PHC2: variants seen among roughly 807,000 people sequenced by gnomAD.
PHC2 encodes polyhomeotic-like protein 2.
In PHC2, 29 loss-of-function variants were observed where a neutral mutation model predicts 87.4. The observed-to-expected ratio is 0.33, with a 90% confidence interval of 0.25 to 0.45. The LOEUF (loss-of-function observed/expected upper bound fraction) is 0.45, where lower values mean the gene tolerates loss of function less well. Among genes scored for constraint, PHC2 ranks in the 20% least tolerant of loss-of-function variants. The pLI is 1.00. For missense variants in PHC2, 857 were observed against 1,136.7 expected (o/e 0.75, Z 3.54); for synonymous variants, 438 against 461.7 (o/e 0.95, Z 0.66).
At chr1:33,410,209 T>C (rs1649926607) in intron 1 of PHC2, among the ~76,000 whole-genome samples, 5 of 152,194 alleles carry the variant, frequency 3.3e-5, no homozygotes, top group South Asian at 4.1e-4. Context: ...TGATGTCATT[T>C]TTAATATGCC....
chr1:33,347,307 G>T, intron 9 of PHC2: 1 of 985,418 alleles, frequency 1.0e-6, no homozygotes, highest in Non-Finnish European at 1.2e-6. Flanking sequence ...AGGAGGCAGA[G>T]AATGCAGAAA....
Position 33,324,924 on chromosome 1 carries a change from T to C in PHC2, c.2521A>G (p.Ile841Val), listed in dbSNP as rs773515590. Residue 841 changes from isoleucine (I) to valine (V), a missense_variant, in exon 15 of 15, where the codon ATC (isoleucine) becomes GTC (valine). By Grantham distance (29) the Ile-to-Val change is conservative. Coordinates refer to ENST00000683057, the MANE Select transcript of PHC2 (RefSeq NM_001385109.1). ...KEDHLMSAMN[I>V]KLGPALKIYA... ...ATCTTCAGGGCGGGCCCCAGCTTGATGTTCATGGCGCTCATCAGGTGGTCC... is the reference window on the plus strand; with the variant it reads ...ATCTTCAGGGCGGGCCCCAGCTTGACGTTCATGGCGCTCATCAGGTGGTCC... The C allele has an allele frequency of 6.2e-7, 1 of 1,613,838 alleles. No individual in the cohort carries two copies. The highest frequency in any genetic ancestry group is 8.5e-7 in the Non-Finnish European group (1 of 1,179,814).
At chr1:33,327,172 G>A (rs1287374707) in intron 14 of PHC2, among the ~76,000 whole-genome samples, 2 of 152,154 alleles carry the variant, frequency 1.3e-5, no homozygotes, top group Admixed American at 1.3e-4. Flanking sequence ...AGCGACTCTT[G>A]TACGCTCCCT....
intron 4 of PHC2, 108 bp downstream of exon 4, chr1:33,370,909 C>T (rs919158696): frequency 9.8e-6 from 9 of 913,724 alleles, no homozygotes; most frequent in Admixed American, 7.0e-5. Context: ...GCAATAGATT[C>T]CAGCCATGAT....
intron 9 of PHC2, among the ~76,000 whole-genome samples, chr1:33,353,961 C>T (rs4233199): frequency 0.61 from 92,444 of 152,078 alleles, 29,121 homozygotes; most frequent in African/African-American, 0.8. Context: ...CTGAACTCAT[C>T]TGAGTCCCCT....
rs1489118563 is a variant in PHC2, at chr1:33,427,061, G to A, written c.-55+3915C>T. 5.3e-5 allele frequency among the ~76,000 whole-genome samples: 8 copies of A among 152,172 alleles called. No homozygotes were observed. In the South Asian group the frequency reaches 1.2e-3, roughly 24 times the overall value. ...GAGACAGTATAGCATGATCCTTCAG[G>A]AAAGCTTTAGAGTCTGAGCTGGATC... On this transcript the variant is annotated intron_variant, in intron 1 of 14. Coordinates refer to ENST00000683057, the MANE Select transcript of PHC2 (RefSeq NM_001385109.1).
Position 33,334,366 on chromosome 1 carries a change from G to T in PHC2, c.1559-74C>A. Reference sequence around the variant, plus strand: ...GTCCACGCCCAGGGAGGGACAGCAAGGACTCAAACTGCGCCCGGCTTTTAC... The same window carrying T: ...GTCCACGCCCAGGGAGGGACAGCAATGACTCAAACTGCGCCCGGCTTTTAC... On this transcript the variant is annotated intron_variant, in intron 9 of 14. Transcript: ENST00000683057. This position sits in a 1 kb window ranked among gnomAD's most constrained non-coding sequence, Gnocchi z 5.5. 1 of 1,389,618 alleles carries T rather than the reference G, an allele frequency of 7.2e-7. No individual in the cohort carries two copies. Among genetic ancestry groups the T allele is most frequent in the Non-Finnish European group, 1.0e-6 (1 of 994,684 alleles). 86.1% of individuals were successfully genotyped at this position (1,389,618 alleles called of 1,614,324 possible). A position where few individuals can be genotyped will look rare whatever the true frequency, so the allele number is the denominator to read the frequency against.
At chr1:33,346,495 T>TG in intron 9 of PHC2, 1 of 985,354 alleles carries the variant, frequency 1.0e-6, no homozygotes, top group Non-Finnish European at 1.2e-6. Flanking sequence ...TTTCTATGGC[T>TG]GGAACTAAAT....
chr1:33,335,879 G>A (rs1168471298), intron 9 of PHC2, among the ~76,000 whole-genome samples: 2 of 143,712 alleles, frequency 1.4e-5, no homozygotes, highest in African/African-American at 2.5e-5. Context: ...CAGCCTGGGC[G>A]ACAGAGCAAG....
rs530664652 is a variant in PHC2, at chr1:33,385,426, A to G, written c.-54-9833T>C. The stretch of plus-strand genomic sequence containing the variant: ...CAAACATTGCCAGGGCAGGGTTTAC[A>G]TACAGGAATGCAACCCTGGCCATGT... On this transcript the variant is annotated intron_variant, in intron 1 of 14. Coordinates refer to ENST00000683057, the MANE Select transcript of PHC2 (RefSeq NM_001385109.1). Among the ~76,000 whole-genome samples the G allele has an allele frequency of 5.9e-5, 9 of 152,360 alleles. No homozygotes were observed. In the East Asian group the frequency reaches 1.7e-3, roughly 29 times the overall value.
chr1:33,330,033 C>G (rs753366352), intron 13 of PHC2, 38 bp downstream of exon 13: 2 of 1,607,108 alleles, frequency 1.2e-6, no homozygotes, highest in Non-Finnish European at 8.5e-7. Flanking sequence ...GCTGTGGGGA[C>G]TGTGGGGATG....
At chr1:33,394,878 G>A (rs927590048) in intron 1 of PHC2, among the ~76,000 whole-genome samples, 2 of 152,118 alleles carry the variant, frequency 1.3e-5, no homozygotes, top group African/African-American at 2.4e-5. Flanking sequence ...CCAAAACAGC[G>A]TTTTTAAAGC....
At position 33,355,074 on chromosome 1, in the gene PHC2, C is replaced by T. The variant is rs770244880; in HGVS notation, c.1156G>A (p.Ala386Thr). Residue 386 changes from alanine to threonine, a missense_variant, in exon 8 of 15, where the codon GCC becomes ACC. Coordinates refer to ENST00000683057, the MANE Select transcript of PHC2 (RefSeq NM_001385109.1). ...TGGGCCTCTGAGCTGGGCTGGAGGG[C>T]CACGCTTGGAGAGACTGAGGCGAGC... ...PQLASVSPSV[A>T]LQPSSEAHAM... The T allele has an allele frequency of 5.6e-6, 9 of 1,612,620 alleles. No homozygotes were observed. The highest frequency in any genetic ancestry group is 7.6e-6 in the Non-Finnish European group (9 of 1,179,600).
chr1:33,410,969 A>G (rs1242545436), intron 1 of PHC2, among the ~76,000 whole-genome samples: 2 of 152,206 alleles, frequency 1.3e-5, no homozygotes, highest in Non-Finnish European at 2.9e-5. Context: ...TGTTTTGTTT[A>G]TCACCCAATG....
At chr1:33,339,003 G>A (rs760677430) in intron 9 of PHC2, among the ~76,000 whole-genome samples, 103 of 152,316 alleles carry the variant, frequency 6.8e-4, no homozygotes, top group Non-Finnish European at 1.3e-3. Context: ...CAACTTCTAG[G>A]CTGTTTCTCA....
Position 33,349,434 on chromosome 1 carries a change from C to T in PHC2, c.1558+4967G>A. 1.0e-6 allele frequency: 1 copy of T among 985,294 alleles called. No homozygotes were observed. The highest frequency in any genetic ancestry group is 1.2e-6 in the Non-Finnish European group (1 of 829,882). 61.0% of individuals were successfully genotyped at this position (985,294 alleles called of 1,614,324 possible). A position where few individuals can be genotyped will look rare whatever the true frequency, so the allele number is the denominator to read the frequency against. On this transcript the variant is annotated intron_variant, in intron 9 of 14. Transcript: ENST00000683057. This position sits in a 1 kb window ranked among gnomAD's most constrained non-coding sequence, Gnocchi z 4.2. The stretch of plus-strand genomic sequence containing the variant: ...GCGAGCGAGGCTGGGGAGCAGGGCA[C>T]CTCCCAGGCGCCGCGCGGACGAGAG...
chr1:33,408,717 G>A (rs560873956), intron 1 of PHC2, among the ~76,000 whole-genome samples: 1 of 151,992 alleles, frequency 6.6e-6, no homozygotes, highest in Non-Finnish European at 1.5e-5. Context: ...TGCCTGCCTC[G>A]GCCCCCCAAA....
At chr1:33,346,173 T>C (rs142958555) in intron 9 of PHC2, 1 of 978,406 alleles carries the variant, frequency 1.0e-6, no homozygotes. Flanking sequence ...CCCATCAGAG[T>C]AGACTGCATA....
At chr1:33,428,699 C>G (rs530988148) in intron 1 of PHC2, among the ~76,000 whole-genome samples, 17 of 152,300 alleles carry the variant, frequency 1.1e-4, no homozygotes, top group African/African-American at 4.1e-4. Flanking sequence ...GGGATTTTCT[C>G]TGCTCTGTTA....
Sources: allele counts gnomAD v4.1 joint callset (sites outside exome capture counted in the v4.1 genomes callset), GRCh38; gene constraint gnomAD v4.1.1; non-coding constraint Gnocchi (gnomAD v3.1); transcripts MANE v1.5; gene names NCBI Gene and HGNC (gene_info 2026-07-23, HGNC 2026-07-21).